TRIM2: variants seen among roughly 807,000 people sequenced by gnomAD.
TRIM2 encodes tripartite motif-containing protein 2.
In TRIM2, 20 loss-of-function variants were observed where a neutral mutation model predicts 75.2. That is an observed-to-expected ratio of 0.27 (90% confidence interval 0.19 to 0.39). The LOEUF is 0.39. Among genes scored for constraint, TRIM2 ranks in the 10% least tolerant of loss-of-function variants. The probability of loss-of-function intolerance (pLI) is 1.00; values close to 1 mark genes in which losing one functional copy is unlikely to be tolerated. For synonymous variants in TRIM2, 373 were observed against 388.3 expected, an observed-to-expected ratio of 0.96 and a Z score of 0.46; for missense variants, 660 against 990.8, an observed-to-expected ratio of 0.67 and a Z score of 4.48.
intron 3 of TRIM2, among the ~76,000 whole-genome samples, chr4:153,287,609 G>C (rs1298354688): frequency 1.3e-5 from 2 of 150,500 alleles, no homozygotes; most frequent in Non-Finnish European, 3.0e-5. Flanking sequence ...TTTCTTTATT[G>C]TTTGCCCTGA....
chr4:153,204,404 C>T, upstream of TRIM2: 1 of 1,075,522 alleles, frequency 9.3e-7, no homozygotes, highest in South Asian at 1.4e-5. Context: ...CTTGTGCTGA[C>T]TAGCTGTTTA....
chr4:153,316,982 G>A (rs1260629388), intron 8 of TRIM2, among the ~76,000 whole-genome samples: 1 of 134,574 alleles, frequency 7.4e-6, no homozygotes, highest in East Asian at 2.4e-4. Flanking sequence ...CCAGGTTCAC[G>A]CCATTCTCCT....
At chr4:153,235,574 T>C (rs1005750943) in intron 1 of TRIM2, among the ~76,000 whole-genome samples, 6 of 152,084 alleles carry the variant, frequency 3.9e-5, no homozygotes, top group African/African-American at 1.4e-4. Context: ...GTGTGAGCCA[T>C]GGTGCCCCGC....
chr4:153,294,452 G>A lies in TRIM2; in HGVS notation c.753G>A (p.Met251Ile), dbSNP rs777138142. 6.2e-7 allele frequency: 1 copy of A among 1,614,014 alleles called. No individual in the cohort carries two copies. ...TLNVRKSVLL[M>I]ELEVNYGLKH... ...ATGTGCGCAAGAGTGTGCTGCTTAT[G>A]GAATTGGAGGTCAACTATGGCCTCA... The change falls in exon 5 of 12, where the codon ATG (methionine) becomes ATA (isoleucine). Residue 251 changes from methionine to isoleucine, a missense_variant. Physicochemically the swap from Met to Ile is conservative, Grantham distance 10. This residue lies in a region of TRIM2 where 620 missense variants were observed against 891.0 expected (regional missense o/e 0.70). Coordinates refer to ENST00000338700, the MANE Select transcript of TRIM2 (RefSeq NM_015271.5).
At chr4:153,178,387 G>A (rs1024308557) in intron 1 of TRIM2, among the ~76,000 whole-genome samples, 24 of 152,168 alleles carry the variant, frequency 1.6e-4, no homozygotes, top group Admixed American at 4.6e-4. Flanking sequence ...AATCCCTCAC[G>A]TGGCTTTTGT....
intron 1 of TRIM2, among the ~76,000 whole-genome samples, chr4:153,267,969 C>T (rs761428933): frequency 2.0e-5 from 3 of 152,128 alleles, no homozygotes; most frequent in Non-Finnish European, 2.9e-5. Flanking sequence ...CATTCGGGAT[C>T]GGAGTTTTTA....
chr4:153,218,931 C>T (rs1403928293), intron 1 of TRIM2, among the ~76,000 whole-genome samples: 3 of 152,024 alleles, frequency 2.0e-5, no homozygotes, highest in Non-Finnish European at 2.9e-5. Context: ...TTTTTTATGC[C>T]TCTATTATGG....
At chr4:153,184,586 T>C (rs1244606082) in intron 1 of TRIM2, among the ~76,000 whole-genome samples, 1 of 152,162 alleles carries the variant, frequency 6.6e-6, no homozygotes, top group Non-Finnish European at 1.5e-5. Context: ...CTGAGCACTC[T>C]GAACAGAGCC....
At chr4:153,286,588 T>G (rs1245183584) in intron 3 of TRIM2, among the ~76,000 whole-genome samples, 1 of 152,222 alleles carries the variant, frequency 6.6e-6, no homozygotes, top group East Asian at 1.9e-4. Context: ...CCATTTCATC[T>G]AAGTTATTCA....
chr4:153,244,355 C>CTTCT lies in TRIM2; in HGVS notation c.31-25979_31-25978insTCTT, dbSNP rs1748079616. Reference sequence around the variant, plus strand: ...CTTCTTCTTCTTCTTCTTCTTCTTCCTCTTCTTCTTCTTCTTCTTCTTCTT... The same window carrying CTTCT: ...CTTCTTCTTCTTCTTCTTCTTCTTCCTTCTTCTTCTTCTTCTTCTTCTTCTTCTT... On this transcript the variant is annotated intron_variant, in intron 1 of 11. Transcript: ENST00000338700. Among the ~76,000 whole-genome samples, 79 of 12,702 alleles carry CTTCT rather than the reference C, an allele frequency of 6.2e-3. 17 individuals carry two copies. Among genetic ancestry groups the CTTCT allele is most frequent in the Non-Finnish European group, 6.8e-3 (52 of 7,630 alleles). The allele number at this position is 12,702 out of a possible 152,430, so 8.3% of individuals were successfully genotyped here.
At chr4:153,172,860 G>C (rs1731023862) in intron 1 of TRIM2, among the ~76,000 whole-genome samples, 1 of 152,182 alleles carries the variant, frequency 6.6e-6, no homozygotes, top group Non-Finnish European at 1.5e-5. Context: ...GCTCAAGACA[G>C]AGACAGCAAA....
At chr4:153,306,483 AG>A (rs1415162099) in intron 6 of TRIM2, among the ~76,000 whole-genome samples, 4 of 152,226 alleles carry the variant, frequency 2.6e-5, no homozygotes, top group African/African-American at 9.6e-5. Flanking sequence ...CAAAGAAGTC[AG>A]GGCTAGAGAC....
At chr4:153,301,322 C>T (rs1763876636) in intron 6 of TRIM2, among the ~76,000 whole-genome samples, 1 of 152,154 alleles carries the variant, frequency 6.6e-6, no homozygotes, top group South Asian at 2.1e-4. Flanking sequence ...GCACACCACA[C>T]CCAGCCAACC....
At chr4:153,257,155 G>C (rs1279531924) in intron 1 of TRIM2, among the ~76,000 whole-genome samples, 2 of 152,122 alleles carry the variant, frequency 1.3e-5, no homozygotes, top group Non-Finnish European at 2.9e-5. Context: ...CTGATTTGTA[G>C]CACTCCCTGT....
intron 10 of TRIM2, among the ~76,000 whole-genome samples, chr4:153,326,502 T>G (rs1347283714): frequency 2.6e-5 from 4 of 152,180 alleles, no homozygotes; most frequent in Non-Finnish European, 4.4e-5. Flanking sequence ...TGTTGATAAG[T>G]GTAAAATGCA....
intron 1 of TRIM2, among the ~76,000 whole-genome samples, chr4:153,235,778 A>G (rs1475397210): frequency 6.6e-6 from 1 of 152,072 alleles, no homozygotes; most frequent in Non-Finnish European, 1.5e-5. Flanking sequence ...ATTCCTTCTG[A>G]TCAGATTACC....
intron 11 of TRIM2, among the ~76,000 whole-genome samples, chr4:153,332,595 T>G (rs939373268): frequency 6.6e-6 from 1 of 151,128 alleles, no homozygotes; most frequent in East Asian, 1.9e-4. Flanking sequence ...CAGTGAGCCA[T>G]GATCACACCA....
At chr4:153,311,297 C>A (rs1024588900) in intron 6 of TRIM2, among the ~76,000 whole-genome samples, 2 of 152,150 alleles carry the variant, frequency 1.3e-5, no homozygotes, top group African/African-American at 4.8e-5. Context: ...AAAACAGACT[C>A]TTTTTGACTA....
intron 1 of TRIM2, among the ~76,000 whole-genome samples, chr4:153,209,383 A>C (rs1309174172): frequency 6.6e-6 from 1 of 151,946 alleles, no homozygotes; most frequent in African/African-American, 2.4e-5. Flanking sequence ...CTGGAATTGC[A>C]CTCCCTAGAG....
Sources: allele counts gnomAD v4.1 joint callset (sites outside exome capture counted in the v4.1 genomes callset), GRCh38; gene constraint gnomAD v4.1.1; regional missense constraint gnomAD v4.1.1; transcripts MANE v1.5; gene names NCBI Gene and HGNC (gene_info 2026-07-23, HGNC 2026-07-21).